ATP2C2: variants seen among roughly 807,000 people sequenced by gnomAD.
ATP2C2 encodes the protein ATPase secretory pathway Ca2+ transporting 2, also known as calcium-transporting ATPase type 2C member 2.
ATP2C2 carries 171 observed loss-of-function variants against 110.8 expected under a neutral mutation model. The ratio of observed to expected loss-of-function variants is 1.54; its 90% confidence interval spans 1.36 to 1.75. The LOEUF is 1.75. Among genes scored for constraint, ATP2C2 ranks in the 40% most tolerant of loss-of-function variants. ATP2C2 has a pLI of 0.00. For synonymous variants in ATP2C2, 804 were observed against 508.4 expected (o/e 1.58, Z -7.82); for missense variants, 1,963 against 1,235.0 (o/e 1.59, Z -8.84).
intron 1 of ATP2C2, among the ~76,000 whole-genome samples, chr16:84,377,468 A>T (rs1272579810): frequency 6.6e-6 from 1 of 152,046 alleles, no homozygotes; most frequent in Non-Finnish European, 1.5e-5. Context: ...GAACTCCAAG[A>T]GCAAAGTGCC....
At chr16:84,389,559 T>C (rs951326946) in intron 1 of ATP2C2, among the ~76,000 whole-genome samples, 1 of 152,136 alleles carries the variant, frequency 6.6e-6, no homozygotes, top group African/African-American at 2.4e-5. Flanking sequence ...CTGGCATCTG[T>C]ATTTTCGTTT....
intron 1 of ATP2C2, among the ~76,000 whole-genome samples, chr16:84,391,226 C>A (rs1904644950): frequency 6.6e-6 from 1 of 152,054 alleles, no homozygotes; most frequent in Non-Finnish European, 1.5e-5. Flanking sequence ...CCAGGATGCG[C>A]CACTCTCATT....
At position 84,379,992 on chromosome 16, in the gene ATP2C2, A is replaced by G. The variant is rs186440243; in HGVS notation, c.99+11278A>G. 2.8e-3 allele frequency among the ~76,000 whole-genome samples: 420 copies of G among 152,298 alleles called. 1 individual carries two copies. Among genetic ancestry groups the G allele is most frequent in the African/African-American group, 9.7e-3 (405 of 41,562 alleles). On this transcript the variant is annotated intron_variant, in intron 1 of 26. Transcript: ENST00000262429. The stretch of plus-strand genomic sequence containing the variant: ...CCTGGAGGAGGTGGCAGGAACTCAG[A>G]GAACTAAGCCTTGCATTTGGGCTAC...
chr16:84,460,526 G>C, intron 23 of ATP2C2, 128 bp from the exon 24 acceptor site: 7 of 1,318,442 alleles, frequency 5.3e-6, no homozygotes, highest in South Asian at 4.8e-5. Flanking sequence ...ATGCCTGGGG[G>C]CGTTCAGCAA....
intron 7 of ATP2C2, among the ~76,000 whole-genome samples, chr16:84,418,906 G>T (rs1378261489): frequency 6.6e-6 from 1 of 152,074 alleles, no homozygotes; most frequent in African/African-American, 2.4e-5. Context: ...TCACTGGGTG[G>T]AAATCAACAG....
At chr16:84,403,741 A>T (rs1019537130) in intron 2 of ATP2C2, among the ~76,000 whole-genome samples, 3 of 151,154 alleles carry the variant, frequency 2.0e-5, no homozygotes, top group African/African-American at 7.3e-5. Context: ...CCCAGGCTGG[A>T]GTGCAATGGC....
chr16:84,445,196 C>A (rs1368784588), intron 15 of ATP2C2, among the ~76,000 whole-genome samples: 2 of 151,150 alleles, frequency 1.3e-5, no homozygotes, highest in African/African-American at 4.9e-5. Flanking sequence ...CACGCCTCTG[C>A]GCAGCGTTTT....
intron 1 of ATP2C2, among the ~76,000 whole-genome samples, chr16:84,392,507 G>C (rs1024465933): frequency 6.6e-6 from 1 of 152,134 alleles, no homozygotes; most frequent in Non-Finnish European, 1.5e-5. Context: ...TTGTTGCCCA[G>C]GCTGGAGTGC....
chr16:84,432,540 T>C (rs34605860), intron 11 of ATP2C2, among the ~76,000 whole-genome samples: 32,002 of 151,792 alleles, frequency 0.21, 4,296 homozygotes, highest in African/African-American at 0.37. Flanking sequence ...TTGCTTGTTT[T>C]TGAGATGGAG....
intron 16 of ATP2C2, 34 bp from the exon 17 acceptor site, chr16:84,448,499 T>G: frequency 6.3e-7 from 1 of 1,587,968 alleles, no homozygotes; most frequent in Non-Finnish European, 8.6e-7. Flanking sequence ...AGGCTTCCAG[T>G]GATAGTGGAT....
At chr16:84,407,313 C>G (rs978435790) in intron 3 of ATP2C2, 3 of 152,586 alleles carry the variant, frequency 2.0e-5, no homozygotes, top group African/African-American at 7.2e-5. Context: ...TAGGCTGGTG[C>G]TCTGAGGAGG....
chr16:84,374,070 G>A (rs192560392), intron 1 of ATP2C2, among the ~76,000 whole-genome samples: 21 of 152,324 alleles, frequency 1.4e-4, no homozygotes, highest in South Asian at 6.2e-4. Context: ...AGTGTTGGGC[G>A]TTGTTGAAAG....
intron 18 of ATP2C2, among the ~76,000 whole-genome samples, chr16:84,452,330 T>G (rs1278821189): frequency 6.6e-6 from 1 of 152,168 alleles, no homozygotes; most frequent in East Asian, 1.9e-4. Context: ...GAGGACCTAC[T>G]GTGTGTCAGG....
rs149437677 is a variant in ATP2C2, at chr16:84,396,787, A to T, written c.100-1712A>T. Among the ~76,000 whole-genome samples the T allele has an allele frequency of 9.0e-4, 136 of 151,952 alleles. No homozygotes were observed. In the East Asian group the frequency reaches 0.016, roughly 18 times the overall value. On this transcript the variant is annotated intron_variant, in intron 1 of 26. Transcript: ENST00000262429. ...TTGAAGTAACTCTACAAAGAATGCA[A>T]TGTTGACTTAAGGAGGGCTCCCAAT...
At chr16:84,437,385 ATT>A (rs113832226) in intron 11 of ATP2C2, among the ~76,000 whole-genome samples, 1 of 150,924 alleles carries the variant, frequency 6.6e-6, no homozygotes, top group African/African-American at 2.4e-5. Context: ...TGTATATATA[ATT>A]TTTTTTTTTG....
chr16:84,419,580 G>T (rs1175392860), intron 7 of ATP2C2, among the ~76,000 whole-genome samples: 1 of 152,184 alleles, frequency 6.6e-6, no homozygotes, highest in Non-Finnish European at 1.5e-5. Context: ...GGAAAGCTGG[G>T]GGCAGGGGGA....
intron 1 of ATP2C2, among the ~76,000 whole-genome samples, chr16:84,387,575 C>A (rs1464158354): frequency 6.6e-6 from 1 of 152,116 alleles, no homozygotes; most frequent in African/African-American, 2.4e-5. Flanking sequence ...CTTAAATAAA[C>A]TGTGGCATAG....
chr16:84,384,486 G>A (rs554101669), intron 1 of ATP2C2, among the ~76,000 whole-genome samples: 27 of 152,274 alleles, frequency 1.8e-4, no homozygotes, highest in East Asian at 9.7e-4. Context: ...TGTTTGTCTC[G>A]TTACTGGTGG....
intron 17 of ATP2C2, among the ~76,000 whole-genome samples, chr16:84,449,601 A>T (rs984299015): frequency 1.3e-5 from 2 of 152,198 alleles, no homozygotes; most frequent in African/African-American, 4.8e-5. Context: ...TTTCGGTGGC[A>T]GAGAAGCCAG....
Sources: gnomAD v4.1 joint callset for allele counts (sites outside exome capture counted in the v4.1 genomes callset) on GRCh38, gnomAD v4.1.1 for gene constraint, MANE v1.5 for transcripts, NCBI Gene and HGNC (gene_info 2026-07-23, HGNC 2026-07-21) for gene names.